Variants in STAMBPL1 observed in about 807,000 individuals in gnomAD.
The protein encoded by STAMBPL1 is AMSH-like protease.
A neutral mutation model predicts 52.9 loss-of-function variants in STAMBPL1; 44 were observed. The ratio of observed to expected loss-of-function variants is 0.83; its 90% CI spans 0.65 to 1.07. The LOEUF (loss-of-function observed/expected upper bound fraction) is 1.07, where lower values mean the gene tolerates loss of function less well. Among genes scored for constraint, STAMBPL1 ranks in the 50% least tolerant of loss-of-function variants. The pLI, the probability that STAMBPL1 is intolerant of heterozygous loss-of-function variation, is 0.00. For missense variants in STAMBPL1, 511 were observed against 520.8 expected (o/e 0.98, Z 0.18); for synonymous variants, 164 against 177.3 (o/e 0.92, Z 0.60).
intron 10 of STAMBPL1, 83 bp downstream of exon 10, chr10:88,922,519 C>G (rs969392507): frequency 1.6e-6 from 2 of 1,280,782 alleles, no homozygotes; most frequent in African/African-American, 3.0e-5. Context: ...TAGTAGCAGT[C>G]TAATATAAGA....
rs956425026 is a variant in STAMBPL1 at position 88,913,176 on chromosome 10, C to G, written c.496C>G (p.Gln166Glu). ...LIEAERKRIA[Q>E]MRQQQLESEQ... ...AGAGGCAGAAAGGAAGCGGATTGCT[C>G]AGATGCGCCAGCAGCAGCTAGAATC... Residue 166 changes from glutamine (Q) to glutamate (E), a missense_variant, in exon 6 of 11, where the codon CAG (glutamine) becomes GAG (glutamate). Around this residue, in one of 3 missense-constraint regions of STAMBPL1, gnomAD observed 358 missense variants for 343.5 expected, o/e 1.04. Coordinates refer to ENST00000371926, the MANE Select transcript of STAMBPL1 (RefSeq NM_020799.4). 6.2e-7 allele frequency: 1 copy of G among 1,613,632 alleles called. No homozygotes were observed. Among genetic ancestry groups the G allele is most frequent in the African/African-American group, 1.3e-5 (1 of 74,894 alleles).
Position 88,921,336 on chromosome 10 carries a change from T to G in STAMBPL1, c.1095T>G (p.Cys365Trp), listed in dbSNP as rs1344861907. Residue 365 changes from cysteine (C) to tryptophan (W), a missense_variant, in exon 9 of 11, where the codon TGT becomes TGG. Cys to Trp is a radical substitution (Grantham distance 215). Around this residue, in one of 3 missense-constraint regions of STAMBPL1, gnomAD observed 137 missense variants for 139.9 expected, o/e 0.98. Transcript: ENST00000371926. ...CCAGCGTTGATCTTCACACTCACTG[T>G]TCCTATCAACTCATGTTGCCAGAGG... The part of the protein sequence containing the change: ...FLSSVDLHTH[C>W]SYQLMLPEAI... The G allele has an allele frequency of 1.9e-6, 3 of 1,613,408 alleles. No individual in the cohort carries two copies. Among genetic ancestry groups the G allele is most frequent in the Non-Finnish European group, 2.5e-6 (3 of 1,179,504 alleles).
intron 1 of STAMBPL1, among the ~76,000 whole-genome samples, chr10:88,891,219 A>G (rs1698718102): frequency 1.3e-5 from 2 of 152,238 alleles, no homozygotes; most frequent in African/African-American, 4.8e-5. Flanking sequence ...ATCAGTAGAC[A>G]TATTTTAAAA....
At chr10:88,899,710 A>ACGTTGC (rs1330249951) in intron 1 of STAMBPL1, among the ~76,000 whole-genome samples, 1 of 151,854 alleles carries the variant, frequency 6.6e-6, no homozygotes, top group Non-Finnish European at 1.5e-5. Flanking sequence ...GAGTTTCACC[A>ACGTTGC]CGTTGCCCAG....
intron 2 of STAMBPL1, among the ~76,000 whole-genome samples, chr10:88,904,294 A>C (rs1207329832): frequency 6.6e-6 from 1 of 152,204 alleles, no homozygotes; most frequent in African/African-American, 2.4e-5. Context: ...ATGGATTAAA[A>C]CATTGATTCT....
intron 7 of STAMBPL1, 68 bp from the exon 8 acceptor site, chr10:88,916,612 A>G: frequency 6.7e-7 from 1 of 1,500,566 alleles, no homozygotes; most frequent in Non-Finnish European, 8.9e-7. Context: ...TAAACATTTC[A>G]TTTCCTGTTC....
rs144819228 is a variant in STAMBPL1 at position 88,918,281 on chromosome 10, G to GCACA, written c.1041+1485_1041+1488dup. Reference sequence around the variant, plus strand: ...GAGAAGCACTGGGGAGGAGCAGCATGCACACACACACACACACACACACAT... The same window carrying GCACA: ...GAGAAGCACTGGGGAGGAGCAGCATGCACACACACACACACACACACACACACAT... On this transcript the variant is annotated intron_variant, in intron 8 of 10. Coordinates refer to ENST00000371926, the MANE Select transcript of STAMBPL1 (RefSeq NM_020799.4). Among the ~76,000 whole-genome samples, 381 of 147,242 alleles carry GCACA rather than the reference G, an allele frequency of 2.6e-3. 2 individuals are homozygous for GCACA. The highest frequency in any genetic ancestry group is 0.024 in the East Asian group (121 of 5,038).
At chr10:88,883,647 G>A (rs1844460213) in intron 1 of STAMBPL1, among the ~76,000 whole-genome samples, 1 of 152,234 alleles carries the variant, frequency 6.6e-6, no homozygotes, top group African/African-American at 2.4e-5. Context: ...ATACTGCTGA[G>A]TCTTCAAAAC....
chr10:88,884,761 A>C (rs148856604), intron 1 of STAMBPL1, among the ~76,000 whole-genome samples: 2 of 152,190 alleles, frequency 1.3e-5, no homozygotes, highest in African/African-American at 4.8e-5. Flanking sequence ...AAGATGTGCT[A>C]TATGCCAGGC....
chr10:88,883,894 CT>C (rs927308133), intron 1 of STAMBPL1, among the ~76,000 whole-genome samples: 24 of 150,998 alleles, frequency 1.6e-4, no homozygotes, highest in African/African-American at 3.4e-4. Flanking sequence ...GTTATGACTC[CT>C]TTTTTTTTGT....
At chr10:88,891,460 A>G (rs954651304) in intron 1 of STAMBPL1, among the ~76,000 whole-genome samples, 51 of 152,184 alleles carry the variant, frequency 3.4e-4, no homozygotes, top group African/African-American at 1.0e-3. Context: ...AAAATCTTCA[A>G]ATGCTAAAAT....
At chr10:88,884,655 C>T (rs1178069359) in intron 1 of STAMBPL1, among the ~76,000 whole-genome samples, 1 of 152,214 alleles carries the variant, frequency 6.6e-6, no homozygotes, top group East Asian at 1.9e-4. Context: ...AGAGACATCA[C>T]CAGTGGATTA....
At chr10:88,892,571 T>C (rs1844715441) in intron 1 of STAMBPL1, among the ~76,000 whole-genome samples, 1 of 152,200 alleles carries the variant, frequency 6.6e-6, no homozygotes, top group Non-Finnish European at 1.5e-5. Flanking sequence ...TAAGGAGCTC[T>C]TCAAGAAAAC....
chr10:88,911,073 A>C, intron 5 of STAMBPL1, 62 bp downstream of exon 5: 1 of 1,115,340 alleles, frequency 9.0e-7, no homozygotes. Flanking sequence ...TTTGAATTTC[A>C]TTTTTATGTG....
chr10:88,913,511 A>G, intron 6 of STAMBPL1, 53 bp downstream of exon 6: 2 of 1,449,958 alleles, frequency 1.4e-6, no homozygotes, highest in Non-Finnish European at 1.9e-6. Flanking sequence ...GGATGGAACC[A>G]TATTTCTATA....
rs1204044371 is a variant in STAMBPL1, at chr10:88,913,304, G to A, written c.624G>A (p.Gly208=). 5.0e-6 allele frequency: 8 copies of A among 1,613,792 alleles called. No individual in the cohort carries two copies. The highest frequency in any genetic ancestry group is 6.8e-6 in the Non-Finnish European group (8 of 1,179,868). ...QTSGLSEQID[G]SALSCFSTHQ... is the part of the protein sequence containing the mutation. ...CAGGGCTGTCAGAGCAGATTGATGG[G>A]AGCGCTTTGTCCTGCTTTTCCACAC... Residue 208 remains glycine, a synonymous_variant, in exon 6 of 11, where the codon GGG becomes GGA. Transcript: ENST00000371926.
chr10:88,894,606 T>G (rs1327763920), intron 1 of STAMBPL1, among the ~76,000 whole-genome samples: 1 of 152,206 alleles, frequency 6.6e-6, no homozygotes, highest in Admixed American at 6.5e-5. Context: ...CTCAAATAAT[T>G]TTTATCAATG....
chr10:88,921,138 G>T, intron 8 of STAMBPL1, 145 bp from the exon 9 acceptor site: 1 of 589,632 alleles, frequency 1.7e-6, no homozygotes, highest in Non-Finnish European at 2.9e-6. Context: ...TAAAGGGAAG[G>T]ATTATGTCAG....
intron 8 of STAMBPL1, among the ~76,000 whole-genome samples, chr10:88,918,716 A>G (rs1257773543): frequency 6.6e-6 from 1 of 152,206 alleles, no homozygotes; most frequent in Non-Finnish European, 1.5e-5. Context: ...GCGTAACATG[A>G]TTTCTGTAAC....
Sources: gnomAD v4.1 joint callset for allele counts (sites outside exome capture counted in the v4.1 genomes callset) on GRCh38, gnomAD v4.1.1 for gene constraint, gnomAD v4.1.1 regional missense constraint, MANE v1.5 for transcripts, NCBI Gene and HGNC (gene_info 2026-07-23, HGNC 2026-07-21) for gene names.